The following ZCCHC7 variants were observed in gnomAD, a reference collection of about 807,000 sequenced individuals.
ZCCHC7 encodes zinc finger CCHC domain-containing protein 7.
ZCCHC7 carries 35 observed loss-of-function variants against 52.0 expected under a neutral mutation model. The ratio of observed to expected loss-of-function variants is 0.67; its 90% CI spans 0.51 to 0.89. ZCCHC7 has a LOEUF of 0.89. Ranked by LOEUF, ZCCHC7 falls within the 40% of genes least tolerant of loss-of-function variation. The probability of loss-of-function intolerance (pLI) is 0.00; values close to 1 mark genes in which losing one functional copy is unlikely to be tolerated. For missense variants in ZCCHC7, 574 were observed against 649.1 expected (o/e 0.88, Z 1.26); for synonymous variants, 217 against 221.5 (o/e 0.98, Z 0.18).
At chr9:37,292,556 T>A (rs1282567512) in intron 2 of ZCCHC7, among the ~76,000 whole-genome samples, 1 of 152,138 alleles carries the variant, frequency 6.6e-6, no homozygotes, top group East Asian at 1.9e-4. Context: ...TAGGGTGTTA[T>A]AAGATAATTA....
At chr9:37,142,081 G>T (rs1053350257) in intron 2 of ZCCHC7, among the ~76,000 whole-genome samples, 1 of 151,650 alleles carries the variant, frequency 6.6e-6, no homozygotes, top group African/African-American at 2.4e-5. Flanking sequence ...TGTGAGGCTG[G>T]TGTCATACAG....
chr9:37,191,871 C>A (rs1054747348), intron 2 of ZCCHC7, among the ~76,000 whole-genome samples: 1 of 152,184 alleles, frequency 6.6e-6, no homozygotes, highest in African/African-American at 2.4e-5. Flanking sequence ...AAGACCAAAG[C>A]TAAATTGCTC....
intron 2 of ZCCHC7, among the ~76,000 whole-genome samples, chr9:37,149,324 C>T (rs376064169): frequency 4.6e-5 from 7 of 152,140 alleles, no homozygotes; most frequent in African/African-American, 1.2e-4. Flanking sequence ...GAATTCATCA[C>T]GATAGATTTA....
At chr9:37,343,935 T>C (rs1017723282) in intron 6 of ZCCHC7, among the ~76,000 whole-genome samples, 1 of 152,246 alleles carries the variant, frequency 6.6e-6, no homozygotes, top group African/African-American at 2.4e-5. Context: ...AATAAAACTT[T>C]ATAGACACTG....
intron 2 of ZCCHC7, among the ~76,000 whole-genome samples, chr9:37,281,703 GC>G (rs1489748113): frequency 6.6e-6 from 1 of 152,150 alleles, no homozygotes; most frequent in East Asian, 1.9e-4. Flanking sequence ...ACTAGCAGTT[GC>G]TAAGGGAAGG....
At chr9:37,162,490 G>A (rs7027705) in intron 2 of ZCCHC7, among the ~76,000 whole-genome samples, 7,712 of 152,168 alleles carry the variant, frequency 0.051, 640 homozygotes, top group African/African-American at 0.17. Flanking sequence ...CATACAGTAG[G>A]GACCCTTCAG....
At chr9:37,254,014 T>C (rs1012576559) in intron 2 of ZCCHC7, among the ~76,000 whole-genome samples, 1 of 152,016 alleles carries the variant, frequency 6.6e-6, no homozygotes, top group Non-Finnish European at 1.5e-5. Context: ...TCCATTATTA[T>C]GTTAGTAATA....
chr9:37,261,845 T>G (rs1826881043), intron 2 of ZCCHC7, among the ~76,000 whole-genome samples: 1 of 152,190 alleles, frequency 6.6e-6, no homozygotes, highest in South Asian at 2.1e-4. Flanking sequence ...AATATACTGA[T>G]GAAAATAAAT....
In ZCCHC7 at chr9:37,181,950, G is replaced by T. The variant is rs1335114982; in HGVS notation, c.610+55008G>T. On this transcript the variant is annotated intron_variant, in intron 2 of 8. Coordinates refer to ENST00000336755, the MANE Select transcript of ZCCHC7 (RefSeq NM_032226.3). ...TCCTCCCACTTCAGCTTCCCAAAGTGCTGGGATTCAGGCATGAGCTACTGT... is the reference window on the plus strand; with the variant it reads ...TCCTCCCACTTCAGCTTCCCAAAGTTCTGGGATTCAGGCATGAGCTACTGT... 1.2e-4 allele frequency among the ~76,000 whole-genome samples: 19 copies of T among 152,170 alleles called. 1 individual carries two copies.
At chr9:37,223,815 ATAAC>A (rs1447681400) in intron 2 of ZCCHC7, among the ~76,000 whole-genome samples, 5 of 152,134 alleles carry the variant, frequency 3.3e-5, no homozygotes, top group African/African-American at 1.2e-4. Flanking sequence ...GGTATAGTCT[ATAAC>A]CATTGACAGT....
intron 6 of ZCCHC7, among the ~76,000 whole-genome samples, chr9:37,344,909 G>A (rs146565997): frequency 8.0e-4 from 122 of 152,274 alleles, no homozygotes; most frequent in African/African-American, 2.9e-3. Flanking sequence ...CATGGGCCCA[G>A]CACTCTGGTA....
At chr9:37,151,965 CAAAGT>C (rs1294004450) in intron 2 of ZCCHC7, among the ~76,000 whole-genome samples, 2 of 152,020 alleles carry the variant, frequency 1.3e-5, no homozygotes, top group African/African-American at 4.8e-5. Flanking sequence ...TTTCCTCACA[CAAAGT>C]AAAAAGTCTC....
intron 2 of ZCCHC7, among the ~76,000 whole-genome samples, chr9:37,260,379 C>T (rs1277942309): frequency 6.6e-6 from 1 of 152,232 alleles, no homozygotes; most frequent in Non-Finnish European, 1.5e-5. Context: ...AGTCCAGCTG[C>T]TTAGTGCATA....
chr9:37,151,915 G>T (rs1820552389), intron 2 of ZCCHC7, among the ~76,000 whole-genome samples: 1 of 152,132 alleles, frequency 6.6e-6, no homozygotes, highest in African/African-American at 2.4e-5. Flanking sequence ...CTTTCTGGTA[G>T]CTCAGTGCTA....
intron 2 of ZCCHC7, among the ~76,000 whole-genome samples, chr9:37,222,328 AGTGTGTGTGTGTGTGTGTGTGTGTGTGT>A (rs74182938): frequency 3.8e-5 from 5 of 133,094 alleles, no homozygotes; most frequent in Non-Finnish European, 8.0e-5. Context: ...AGAATAACAG[AGTGTGTGTGTGTGTGTGTGTGTGTGTGT>A]GTGTGTGTGT....
At chr9:37,347,954 C>T (rs1160741992) in intron 6 of ZCCHC7, among the ~76,000 whole-genome samples, 1 of 152,198 alleles carries the variant, frequency 6.6e-6, no homozygotes, top group Admixed American at 6.5e-5. Context: ...TTAACCTTCC[C>T]TTCTATGTCC....
intron 6 of ZCCHC7, 36 bp from the exon 7 acceptor site, chr9:37,349,321 A>G: frequency 1.3e-6 from 2 of 1,599,356 alleles, no homozygotes; most frequent in East Asian, 2.2e-5. Context: ...ATTTTCTTCT[A>G]ACATCAACAA....
At chr9:37,282,299 T>C (rs1231608318) in intron 2 of ZCCHC7, among the ~76,000 whole-genome samples, 1 of 152,130 alleles carries the variant, frequency 6.6e-6, no homozygotes, top group Non-Finnish European at 1.5e-5. Context: ...TATTTCACCA[T>C]GATTTTTTAA....
intron 2 of ZCCHC7, among the ~76,000 whole-genome samples, chr9:37,278,354 T>G (rs1395555450): frequency 1.3e-5 from 2 of 152,174 alleles, no homozygotes; most frequent in Non-Finnish European, 2.9e-5. Context: ...ATTTTAGAAC[T>G]GAAAAATGTA....
Sources: gnomAD v4.1 joint callset for allele counts (sites outside exome capture counted in the v4.1 genomes callset) on GRCh38, gnomAD v4.1.1 for gene constraint, MANE v1.5 for transcripts, NCBI Gene and HGNC (gene_info 2026-07-23, HGNC 2026-07-21) for gene names.